ARHGAP24: variants seen among roughly 807,000 people sequenced by gnomAD.
ARHGAP24 encodes the protein Rho GTPase activating protein 24, also known as rho GTPase-activating protein 24.
ARHGAP24 carries 50 observed loss-of-function variants against 76.4 expected under a neutral mutation model. The ratio of observed to expected loss-of-function variants is 0.65; its 90% CI spans 0.52 to 0.83. ARHGAP24 has a LOEUF of 0.83. Ranked by LOEUF, ARHGAP24 falls within the 40% of genes least tolerant of loss-of-function variation. The pLI is 0.00. For missense variants in ARHGAP24, 930 were observed against 914.2 expected (o/e 1.02, Z -0.22); for synonymous variants, 345 against 323.3 (o/e 1.07, Z -0.72).
chr4:85,972,938 A>G (rs1026971456), intron 6 of ARHGAP24, among the ~76,000 whole-genome samples: 2 of 152,086 alleles, frequency 1.3e-5, no homozygotes, highest in Admixed American at 1.3e-4. Context: ...ATTCTAAACA[A>G]TATTCTATTA....
At chr4:85,779,521 A>G (rs982465774) in intron 3 of ARHGAP24, among the ~76,000 whole-genome samples, 1 of 152,122 alleles carries the variant, frequency 6.6e-6, no homozygotes, top group African/African-American at 2.4e-5. Context: ...TTTTGCCTCC[A>G]GTTTGCTTCT....
intron 2 of ARHGAP24, chr4:85,686,529 TA>T (rs1225509163): frequency 1.3e-5 from 2 of 152,130 alleles, no homozygotes; most frequent in Non-Finnish European, 2.9e-5. Flanking sequence ...TCTTCCAAAT[TA>T]AATTCTGGAG....
At chr4:85,686,654 C>T (rs533889073) in intron 2 of ARHGAP24, 1 of 152,198 alleles carries the variant, frequency 6.6e-6, no homozygotes, top group South Asian at 2.1e-4. Context: ...GCCCTGCATA[C>T]ATTAAACAAG....
At position 85,897,870 on chromosome 4, in the gene ARHGAP24, T is replaced by A. The variant is rs991200911; in HGVS notation, c.269-25778T>A. Among the ~76,000 whole-genome samples, 7 of 151,718 alleles carry A rather than the reference T, an allele frequency of 4.6e-5. 1 individual carries two copies. Among genetic ancestry groups the A allele is most frequent in the Admixed American group, 4.6e-4 (7 of 15,218 alleles). On this transcript the variant is annotated intron_variant, in intron 3 of 9. Transcript: ENST00000395184. ...AGAAGGAAGCAAGCAAGGGGGGAGA[T>A]AAAGTGGTGGGTGTGTGCACGCAAA... is the stretch of plus-strand genomic sequence containing the variant.
chr4:85,669,972 A>C (rs184985109), intron 2 of ARHGAP24, among the ~76,000 whole-genome samples: 1 of 152,142 alleles, frequency 6.6e-6, no homozygotes, highest in East Asian at 1.9e-4. Flanking sequence ...CAGAGCACTG[A>C]TCCTCAGAAG....
At chr4:85,613,413 A>G (rs958493881) in intron 2 of ARHGAP24, among the ~76,000 whole-genome samples, 1 of 152,216 alleles carries the variant, frequency 6.6e-6, no homozygotes, top group Non-Finnish European at 1.5e-5. Flanking sequence ...TAGGTGTCAG[A>G]CATTATAATA....
chr4:85,818,242 C>G (rs906728108), intron 3 of ARHGAP24, among the ~76,000 whole-genome samples: 2 of 152,096 alleles, frequency 1.3e-5, no homozygotes, highest in Admixed American at 1.3e-4. Context: ...CCACAAAGAC[C>G]GGTTTATAGA....
chr4:85,633,578 T>G, intron 2 of ARHGAP24, among the ~76,000 whole-genome samples: 1 of 152,016 alleles, frequency 6.6e-6, no homozygotes, highest in Non-Finnish European at 1.5e-5. Flanking sequence ...GCCAAGAAAG[T>G]TCTTCTAGCG....
intron 3 of ARHGAP24, among the ~76,000 whole-genome samples, chr4:85,784,157 C>T (rs1198108035): frequency 6.6e-6 from 1 of 152,162 alleles, no homozygotes; most frequent in Non-Finnish European, 1.5e-5. Flanking sequence ...AATTCAACAG[C>T]TTTTTATCTC....
intron 3 of ARHGAP24, among the ~76,000 whole-genome samples, chr4:85,918,733 A>T (rs1735556827): frequency 6.6e-6 from 1 of 152,134 alleles, no homozygotes; most frequent in South Asian, 2.1e-4. Context: ...GTCAAATCCA[A>T]ATATATAGCA....
At chr4:85,720,098 C>A (rs6531861) in intron 2 of ARHGAP24, among the ~76,000 whole-genome samples, 140,373 of 146,474 alleles carry the variant, frequency 0.96, 67,575 homozygotes, top group South Asian at 1. Context: ...GGGACATCAC[C>A]CACCGGGGCC....
At chr4:85,551,108 G>A (rs776199719) in intron 1 of ARHGAP24, among the ~76,000 whole-genome samples, 16 of 152,140 alleles carry the variant, frequency 1.1e-4, no homozygotes, top group Non-Finnish European at 1.6e-4. Flanking sequence ...TCTTGTGCTG[G>A]TTTTCAAGGG....
chr4:85,804,740 A>G (rs974279159), intron 3 of ARHGAP24, among the ~76,000 whole-genome samples: 1 of 152,198 alleles, frequency 6.6e-6, no homozygotes, highest in Admixed American at 6.5e-5. Context: ...TTTTATTTGA[A>G]TGTAAGCTTT....
chr4:85,941,451 G>C (rs1237363269), intron 4 of ARHGAP24, among the ~76,000 whole-genome samples: 1 of 152,150 alleles, frequency 6.6e-6, no homozygotes, highest in African/African-American at 2.4e-5. Flanking sequence ...CTTCTAGTGT[G>C]CTCTGCTTTG....
rs550738269 is a variant in ARHGAP24 at position 85,626,660 on chromosome 4, C to T, written c.180+55939C>T. The stretch of plus-strand genomic sequence containing the variant: ...TGGGGAAGTTCTCCTGGATAATATC[C>T]TGCAGAGTGTTTTCCAACTTGGTTC... On this transcript the variant is annotated intron_variant, in intron 2 of 9. Transcript: ENST00000395184. 1.5e-3 allele frequency among the ~76,000 whole-genome samples: 232 copies of T among 152,254 alleles called. 5 individuals carry two copies. Among genetic ancestry groups the T allele is most frequent in the Middle Eastern group, 0.014 (4 of 294 alleles).
intron 2 of ARHGAP24, among the ~76,000 whole-genome samples, chr4:85,636,292 A>G (rs143811268): frequency 8.2e-4 from 125 of 151,638 alleles, no homozygotes; most frequent in Admixed American, 1.5e-3. Flanking sequence ...TTCTCTTCAG[A>G]TGTTTTCTTA....
rs186738735 is a variant in ARHGAP24, at chr4:85,631,707, A to G, written c.180+60986A>G. 5.8e-4 allele frequency among the ~76,000 whole-genome samples: 88 copies of G among 152,162 alleles called. No homozygotes were observed. In the East Asian group the frequency reaches 6.6e-3, roughly 11 times the overall value. ...TTTTTCAAGTTGAGATCATAGCAAT[A>G]TTCCTTGGTTTTGCTTGTTCAAACA... On this transcript the variant is annotated intron_variant, in intron 2 of 9. Coordinates refer to ENST00000395184, the MANE Select transcript of ARHGAP24 (RefSeq NM_001025616.3).
chr4:85,790,811 T>A (rs1200277600), intron 3 of ARHGAP24, among the ~76,000 whole-genome samples: 1 of 152,204 alleles, frequency 6.6e-6, no homozygotes, highest in Non-Finnish European at 1.5e-5. Context: ...TATGCTCTTG[T>A]CTCTACTGAG....
chr4:85,825,149 T>C (rs1174197710), intron 3 of ARHGAP24, among the ~76,000 whole-genome samples: 1 of 151,948 alleles, frequency 6.6e-6, no homozygotes, highest in African/African-American at 2.4e-5. Flanking sequence ...AATACCTTAG[T>C]GGGGCAGTAT....
Sources: allele counts gnomAD v4.1 joint callset (sites outside exome capture counted in the v4.1 genomes callset), GRCh38; gene constraint gnomAD v4.1.1; transcripts MANE v1.5; gene names NCBI Gene and HGNC (gene_info 2026-07-23, HGNC 2026-07-21).